The following ABCC4 variants were observed in gnomAD, a reference collection of about 807,000 sequenced individuals.
ABCC4 encodes ATP-binding cassette sub-family C member 4.
In ABCC4, 102 loss-of-function variants were observed where a neutral mutation model predicts 168.5. The observed-to-expected ratio is 0.61, with a 90% CI of 0.52 to 0.71. ABCC4 has a LOEUF of 0.71. Among genes scored for constraint, ABCC4 ranks in the 30% least tolerant of loss-of-function variants. The pLI is 0.00. For missense variants in ABCC4, 1,402 were observed against 1,605.8 expected (o/e 0.87, Z 2.17); for synonymous variants, 617 against 590.7 (o/e 1.04, Z -0.65).
intron 3 of ABCC4, among the ~76,000 whole-genome samples, chr13:95,239,211 A>C (rs948610718): frequency 2.0e-5 from 3 of 152,154 alleles, no homozygotes; most frequent in Non-Finnish European, 4.4e-5. Flanking sequence ...TATTATGGGT[A>C]ATAGTGTTGA....
intron 30 of ABCC4, among the ~76,000 whole-genome samples, chr13:95,031,941 T>C (rs2031896298): frequency 6.6e-6 from 1 of 152,194 alleles, no homozygotes; most frequent in African/African-American, 2.4e-5. Flanking sequence ...ACACATCTCT[T>C]TGATGTGAAA....
chr13:95,126,437 C>T (rs139301018), intron 19 of ABCC4, among the ~76,000 whole-genome samples: 13 of 152,086 alleles, frequency 8.5e-5, no homozygotes, highest in African/African-American at 2.9e-4. Context: ...TGTGCAAAAT[C>T]GGCTCTATCT....
intron 1 of ABCC4, among the ~76,000 whole-genome samples, chr13:95,293,692 C>T (rs1018350688): frequency 6.6e-6 from 1 of 151,848 alleles, no homozygotes. Flanking sequence ...GTCTTGAACT[C>T]CTGACCTTGT....
intron 27 of ABCC4, among the ~76,000 whole-genome samples, chr13:95,047,472 TA>T (rs2032629007): frequency 8.6e-6 from 1 of 115,632 alleles, no homozygotes; most frequent in Non-Finnish European, 1.8e-5. Flanking sequence ...AAATACTGCC[TA>T]TTCTTTTTTT....
At chr13:95,062,644 A>G in intron 26 of ABCC4, 60 bp downstream of exon 26, 1 of 1,450,418 alleles carries the variant, frequency 6.9e-7, no homozygotes, top group South Asian at 1.4e-5. Flanking sequence ...TAAGAGTAAA[A>G]GCAATTAAAC....
At chr13:95,210,190 G>A (rs1376145461) in intron 5 of ABCC4, among the ~76,000 whole-genome samples, 1 of 152,228 alleles carries the variant, frequency 6.6e-6, no homozygotes, top group Non-Finnish European at 1.5e-5. Context: ...ATTAAACAAT[G>A]GATACTGGGC....
intron 4 of ABCC4, among the ~76,000 whole-genome samples, chr13:95,218,322 G>A (rs986503363): frequency 6.6e-6 from 1 of 152,198 alleles, no homozygotes; most frequent in African/African-American, 2.4e-5. Flanking sequence ...CTGAGGGGAT[G>A]ATCCAAGGAC....
chr13:95,170,651 GT>G, intron 13 of ABCC4, 23 bp from the exon 14 acceptor site: 1 of 1,460,040 alleles, frequency 6.8e-7, no homozygotes. Flanking sequence ...AAGGCACAGG[GT>G]GAAAAAATGC....
intron 13 of ABCC4, among the ~76,000 whole-genome samples, chr13:95,170,986 G>T (rs1455781519): frequency 6.6e-6 from 1 of 151,942 alleles, no homozygotes; most frequent in South Asian, 2.1e-4. Flanking sequence ...TCGAGGTCAC[G>T]TAACGACGCG....
rs967690698 is a variant in ABCC4 at position 95,295,012 on chromosome 13, C to T, written c.74+6229G>A. Among the ~76,000 whole-genome samples, 7 of 152,054 alleles carry T rather than the reference C, an allele frequency of 4.6e-5. No homozygotes were observed. In the East Asian group the frequency reaches 1.2e-3, roughly 25 times the overall value. The stretch of plus-strand genomic sequence containing the variant: ...TAAAAATAAGGCACTCAAATGTTTG[C>T]TAAATGAATAATCTAAACCGCAGAG... On this transcript the variant is annotated intron_variant, in intron 1 of 30. Coordinates refer to ENST00000645237, the MANE Select transcript of ABCC4 (RefSeq NM_005845.5).
intron 9 of ABCC4, among the ~76,000 whole-genome samples, chr13:95,193,766 A>G (rs1385381020): frequency 6.6e-6 from 1 of 152,236 alleles, no homozygotes; most frequent in Non-Finnish European, 1.5e-5. Context: ...AGATGAACCA[A>G]GCAGGCAACC....
At position 95,247,041 on chromosome 13, in the gene ABCC4, TA is replaced by T; in HGVS notation, c.239del (p.Leu80Ter). 1 of 1,613,088 alleles carries T rather than the reference TA, an allele frequency of 6.2e-7. No homozygotes were observed. Among genetic ancestry groups the T allele is most frequent in the Non-Finnish European group, 8.5e-7 (1 of 1,179,062 alleles). On this transcript the variant is annotated frameshift_variant, in exon 3 of 31. Transcript: ENST00000645237. LOFTEE classifies it high-confidence loss of function. ...RAENDAQKPS[L>X]TRAIIKCYWK... ...AGTAACACTTTATGATTGCTCTTGT[TA>T]AAGAAGGCTTCTGTGCGTCATTCTC... is the stretch of plus-strand genomic sequence containing the variant.
Position 95,140,157 on chromosome 13 carries a change from G to A in ABCC4, c.2455+21032C>T, listed in dbSNP as rs758363682. Among the ~76,000 whole-genome samples, 16 of 152,234 alleles carry A rather than the reference G, an allele frequency of 1.1e-4. No individual in the cohort carries two copies. The East Asian group carries it at 1.4e-3, about 13-fold the overall frequency. ...ACCACTGAAAACCTGAAGTTTCAGC[G>A]CTAGCCCAGGGCACTCCCACCACCC... On this transcript the variant is annotated intron_variant, in intron 19 of 30. Transcript: ENST00000645237.
At chr13:95,034,394 C>T (rs754895122) in intron 30 of ABCC4, among the ~76,000 whole-genome samples, 5 of 152,182 alleles carry the variant, frequency 3.3e-5, no homozygotes, top group African/African-American at 7.2e-5. Context: ...TGCACACACT[C>T]GACCCCCCAA....
intron 26 of ABCC4, 130 bp from the exon 27 acceptor site, chr13:95,053,314 C>A: frequency 1.3e-6 from 1 of 746,764 alleles, no homozygotes; most frequent in Non-Finnish European, 2.3e-6. Context: ...GTTACAAATG[C>A]CTGTTTACAA....
Position 95,207,873 on chromosome 13 carries a change from T to C in ABCC4, c.838A>G (p.Ile280Val), listed in dbSNP as rs1449700123. The C allele has an allele frequency of 1.9e-6, 3 of 1,613,896 alleles. No homozygotes were observed. The South Asian group carries it at 3.3e-5, about 18-fold the overall frequency. ...DARIRTMNEVITGIRIIKMYA... is the reference protein window; with the variant it reads ...DARIRTMNEVVTGIRIIKMYA... ...ATTTTTATTATCCTTATACCAGTTA[T>C]AACTTCATTCATGGTCCTGATCCTG... is the stretch of plus-strand genomic sequence containing the variant. Residue 280 changes from isoleucine (I) to valine (V), a missense_variant, in exon 7 of 31, where the codon ATA (isoleucine) becomes GTA (valine). Ile to Val is a conservative substitution (Grantham distance 29). This residue lies in a region of ABCC4 where 317 missense variants were observed against 345.5 expected (regional missense o/e 0.92). Coordinates refer to ENST00000645237, the MANE Select transcript of ABCC4 (RefSeq NM_005845.5).
chr13:95,238,633 G>A (rs1036369261), intron 3 of ABCC4, among the ~76,000 whole-genome samples: 21 of 152,166 alleles, frequency 1.4e-4, no homozygotes, highest in African/African-American at 4.8e-4. Context: ...TCAGCTCACC[G>A]CAACCTCCAC....
At chr13:95,192,442 A>G (rs1024771318) in intron 9 of ABCC4, among the ~76,000 whole-genome samples, 3 of 152,214 alleles carry the variant, frequency 2.0e-5, no homozygotes, top group African/African-American at 7.2e-5. Context: ...AATGTTATCT[A>G]GGAACCGAAA....
At chr13:95,236,278 G>A (rs1458657630) in intron 3 of ABCC4, among the ~76,000 whole-genome samples, 1 of 152,130 alleles carries the variant, frequency 6.6e-6, no homozygotes, top group African/African-American at 2.4e-5. Context: ...ATTTCCTCCT[G>A]ACTTCTCAAA....
Sources: allele counts gnomAD v4.1 joint callset (sites outside exome capture counted in the v4.1 genomes callset), GRCh38; gene constraint gnomAD v4.1.1; regional missense constraint gnomAD v4.1.1; transcripts MANE v1.5; gene names NCBI Gene and HGNC (gene_info 2026-07-23, HGNC 2026-07-21).